The following HID1 variants were observed in gnomAD, a reference collection of about 807,000 sequenced individuals.
HID1 encodes HID1 domain containing.
In HID1, 42 loss-of-function variants were observed where a neutral mutation model predicts 89.7. The ratio of observed to expected loss-of-function variants is 0.47; its 90% CI spans 0.37 to 0.61. The LOEUF (loss-of-function observed/expected upper bound fraction) is 0.61. Among genes scored for constraint, HID1 ranks in the 20% least tolerant of loss-of-function variants. The pLI, the probability that HID1 is intolerant of heterozygous loss-of-function variation, is 0.00. For synonymous variants in HID1, 442 were observed against 433.8 expected (o/e 1.02, Z -0.24); for missense variants, 854 against 1,039.3 (o/e 0.82, Z 2.45).
rs375046037 is a variant in HID1 at position 74,958,115 on chromosome 17, G to C, written c.1471+26C>G. On this transcript the variant is annotated intron_variant, in intron 12 of 18. Transcript: ENST00000425042. The surrounding 1 kb of genome is among the most constrained non-coding windows in gnomAD (Gnocchi z 5.2). ...CCTGACACCACCTGGTGGTGAGCGC[G>C]GGGAGTGCAAGCTCCGGGCCCCTAC... 3 of 1,579,446 alleles carry C rather than the reference G, an allele frequency of 1.9e-6. No homozygotes were observed. Among genetic ancestry groups the C allele is most frequent in the Non-Finnish European group, 2.6e-6 (3 of 1,163,784 alleles).
Position 74,955,655 on chromosome 17 carries a change from A to T in HID1, c.1636+137T>A, listed in dbSNP as rs1383551270. ...CACTGTAGATGCTCAATAAATGTAC[A>T]CTGAATGAATGAACTGGGGGCAGAA... On this transcript the variant is annotated intron_variant, in intron 13 of 18. Coordinates refer to ENST00000425042, the MANE Select transcript of HID1 (RefSeq NM_030630.3). 3 of 718,734 alleles carry T rather than the reference A, an allele frequency of 4.2e-6. No individual in the cohort carries two copies. The East Asian group carries it at 8.1e-5, about 19-fold the overall frequency. The allele number at this position is 718,734 out of a possible 1,614,324, so 44.5% of individuals were successfully genotyped here.
intron 1 of HID1, among the ~76,000 whole-genome samples, chr17:74,966,022 C>T (rs2144824815): frequency 6.6e-6 from 1 of 151,850 alleles, no homozygotes; most frequent in East Asian, 1.9e-4. Context: ...TGAGGTGGCT[C>T]ACGCCTGTAA....
At position 74,954,307 on chromosome 17, in the gene HID1, G is replaced by T. The variant is rs1366530315; in HGVS notation, c.1695C>A (p.Ala565=). ...TGGTGGGCGGGTCCGTGGGCAGGTT[G>T]GCCAGCTGGTGGAAGATGCTGCGCT... is the stretch of plus-strand genomic sequence containing the variant. ...IRKRSIFHQL[A]NLPTDPPTIH... is the part of the protein sequence containing the mutation. Residue 565 remains alanine (A), a synonymous_variant, in exon 14 of 19, where the codon GCC becomes GCA. Coordinates refer to ENST00000425042, the MANE Select transcript of HID1 (RefSeq NM_030630.3). 6.3e-7 allele frequency: 1 copy of T among 1,587,286 alleles called. No homozygotes were observed. Among genetic ancestry groups the T allele is most frequent in the Admixed American group, 1.8e-5 (1 of 55,300 alleles).
Position 74,954,255 on chromosome 17 carries a change from G to A in HID1, c.1747C>T (p.Arg583Trp), listed in dbSNP as rs546418720. The change falls in exon 14 of 19, where the codon CGG (arginine) becomes TGG (tryptophan). Residue 583 changes from arginine to tryptophan, a missense_variant. Transcript: ENST00000425042. ...GTGCGAGACAAGGGCTCAGGTGTCC[G>A]CCGGCGCCGCTGCAGGGCCTTGTGA... ...TIHKALQRRR[R>W]TPEPLSRTGS... The A allele has an allele frequency of 4.0e-5, 63 of 1,588,356 alleles. No homozygotes were observed. The highest frequency in any genetic ancestry group is 2.4e-4 in the South Asian group (21 of 87,094).
chr17:74,967,186 A>G (rs1367616334), intron 1 of HID1, among the ~76,000 whole-genome samples: 2 of 151,926 alleles, frequency 1.3e-5, no homozygotes, highest in East Asian at 1.9e-4. Flanking sequence ...GCAGTGAGCC[A>G]AGATCGTGCC....
rs764132892 is a variant in HID1, at chr17:74,951,553, C to T, written c.*17G>A. On this transcript the variant is annotated 3_prime_UTR_variant, in exon 19 of 19. Transcript: ENST00000425042. Reference sequence around the variant, plus strand: ...GCCCTGCCTTCCCCTAGACTGAGCCCCTCGTCGGCTTCATCCTCACACCCG... The same window carrying T: ...GCCCTGCCTTCCCCTAGACTGAGCCTCTCGTCGGCTTCATCCTCACACCCG... The T allele has an allele frequency of 6.2e-7, 1 of 1,606,510 alleles. No homozygotes were observed. Among genetic ancestry groups the T allele is most frequent in the South Asian group, 1.1e-5 (1 of 89,374 alleles).
chr17:74,962,492 T>C lies in HID1; in HGVS notation c.505-152A>G. The C allele has an allele frequency of 1.8e-6, 1 of 559,638 alleles. No homozygotes were observed. 34.7% of individuals were successfully genotyped at this position (559,638 alleles called of 1,614,324 possible). On this transcript the variant is annotated intron_variant, in intron 4 of 18. Transcript: ENST00000425042. The surrounding 1 kb of genome is among the most constrained non-coding windows in gnomAD (Gnocchi z 4.3). ...GGTCCTCAAAATGGCCTGGCCCTCA[T>C]GCACAAGAGCAGGAGTGAATATTCT...
In HID1 at chr17:74,955,797, A is replaced by G. The variant is rs1316530471; in HGVS notation, c.1631T>C (p.Phe544Ser). The change falls in exon 13 of 19, where the codon TTT becomes TCT. Residue 544 changes from phenylalanine (F) to serine (S), a missense_variant. Phe to Ser is a radical substitution (Grantham distance 155, BLOSUM62 -2). Coordinates refer to ENST00000425042, the MANE Select transcript of HID1 (RefSeq NM_030630.3). ...EVFNNIIQYQ[F>S]DGNSNLVYAI... ...GCCTCAGGCTGGTGCCTCACCATCA[A>G]ACTGGTACTGGATGATGTTGTTGAA... is the stretch of plus-strand genomic sequence containing the variant. 1 of 1,614,040 alleles carries G rather than the reference A, an allele frequency of 6.2e-7. No homozygotes were observed. Among genetic ancestry groups the G allele is most frequent in the Non-Finnish European group, 8.5e-7 (1 of 1,179,914 alleles).
chr17:74,957,612 A>T (rs13342795), intron 12 of HID1, among the ~76,000 whole-genome samples: 82,812 of 150,704 alleles, frequency 0.55, 23,453 homozygotes, highest in East Asian at 0.92. Flanking sequence ...TTTTTTTTTA[A>T]AAAAAGGCCA....
intron 16 of HID1, 52 bp from the exon 17 acceptor site, chr17:74,952,412 G>T: frequency 7.1e-7 from 1 of 1,400,772 alleles, no homozygotes; most frequent in Non-Finnish European, 1.0e-6. Context: ...CGGAGGCTGC[G>T]GGGCAAGCCT....
Position 74,959,097 on chromosome 17 carries a change from C to T in HID1, c.1009-46G>A, listed in dbSNP as rs768118029. Reference sequence around the variant, plus strand: ...GGGGGCCTGTCCAGCCCAATCCCTGCAGCTCCAGTTTCCCAGCCCAGGCCC... The same window carrying T: ...GGGGGCCTGTCCAGCCCAATCCCTGTAGCTCCAGTTTCCCAGCCCAGGCCC... On this transcript the variant is annotated intron_variant, in intron 8 of 18. Coordinates refer to ENST00000425042, the MANE Select transcript of HID1 (RefSeq NM_030630.3). This position sits in a 1 kb window ranked among gnomAD's most constrained non-coding sequence, Gnocchi z 4.6. 3.4e-6 allele frequency: 5 copies of T among 1,490,594 alleles called. No individual in the cohort carries two copies. The highest frequency in any genetic ancestry group is 4.4e-6 in the Non-Finnish European group (5 of 1,124,720). 92.3% of individuals were successfully genotyped at this position (1,490,594 alleles called of 1,614,324 possible).
intron 12 of HID1, chr17:74,957,890 G>GT (rs1473313770): frequency 2.0e-6 from 1 of 491,864 alleles, no homozygotes; most frequent in Admixed American, 3.3e-5. Context: ...ACAAGACTGA[G>GT]TGTGAGAAGG....
At chr17:74,960,324 G>C in intron 6 of HID1, 76 bp from the exon 7 acceptor site, 4 of 1,288,398 alleles carry the variant, frequency 3.1e-6, no homozygotes, top group Non-Finnish European at 4.3e-6. Context: ...CTGGCCACGT[G>C]GGAAGGTCAG....
chr17:74,964,007 CA>C lies in HID1; in HGVS notation c.217-98del, dbSNP rs534620916. 470 of 1,290,170 alleles carry C rather than the reference CA, an allele frequency of 3.6e-4. 1 individual carries two copies. The highest frequency in any genetic ancestry group is 3.4e-3 in the African/African-American group (232 of 68,594). 79.9% of individuals were successfully genotyped at this position (1,290,170 alleles called of 1,614,324 possible). A position where few individuals can be genotyped will look rare whatever the true frequency, so the allele number is the denominator to read the frequency against. ...GGGCACCCAGGCTGCAGAGGAGGGT[CA>C]GGGGGGGCACCCAGGCTGCAGAGGA... On this transcript the variant is annotated intron_variant, in intron 2 of 18. Transcript: ENST00000425042.
Position 74,953,019 on chromosome 17 carries a change from G to A in HID1, c.2039C>T (p.Pro680Leu), listed in dbSNP as rs1341937808. 2 of 1,607,332 alleles carry A rather than the reference G, an allele frequency of 1.2e-6. No homozygotes were observed. Among genetic ancestry groups the A allele is most frequent in the Non-Finnish European group, 1.7e-6 (2 of 1,177,744 alleles). Reference sequence around the variant, plus strand: ...GTCCCTCCTCACCCACTCTGGCGTTGGGCTCCACTGCCCACTGGCTGATGA... The same window carrying A: ...GTCCCTCCTCACCCACTCTGGCGTTAGGCTCCACTGCCCACTGGCTGATGA... ...STSSASGQWSPTPEWVLSWKS... is the reference protein window; with the variant it reads ...STSSASGQWSLTPEWVLSWKS... Residue 680 changes from proline to leucine, a missense_variant, in exon 16 of 19, where the codon CCA (proline) becomes CTA (leucine). Coordinates refer to ENST00000425042, the MANE Select transcript of HID1 (RefSeq NM_030630.3).
intron 14 of HID1, 110 bp from the exon 15 acceptor site, chr17:74,953,761 A>C: frequency 1.2e-6 from 1 of 821,718 alleles, no homozygotes; most frequent in Non-Finnish European, 2.0e-6. Context: ...TCCCTCTGGA[A>C]CCTCCACCGG....
chr17:74,961,093 C>T (rs1478407420), intron 6 of HID1, among the ~76,000 whole-genome samples: 6 of 152,266 alleles, frequency 3.9e-5, no homozygotes, highest in Non-Finnish European at 5.9e-5. Context: ...AAGGAGCTGT[C>T]GAGCCCTTGG....
chr17:74,956,097 G>C, intron 12 of HID1, 141 bp from the exon 13 acceptor site: 1 of 824,042 alleles, frequency 1.2e-6, no homozygotes, highest in Non-Finnish European at 1.9e-6. Flanking sequence ...GCCCTAAGAG[G>C]CTGAGTCCAC....
At position 74,955,930 on chromosome 17, in the gene HID1, T is replaced by C. The variant is rs754959284; in HGVS notation, c.1498A>G (p.Met500Val). The change falls in exon 13 of 19, where the codon ATG (methionine) becomes GTG (valine). Residue 500 changes from methionine (M) to valine (V), a missense_variant. Physicochemically the swap from Met to Val is conservative, Grantham distance 21 (BLOSUM62 1). Transcript: ENST00000425042. ...TGCAGCAACTTGTTGGCAGTCACCA[T>C]GGACAGGCTCTTGAGGTAGGGGGAC... is the stretch of plus-strand genomic sequence containing the variant. ...NVSPYLKSLS[M>V]VTANKLLHLL... 7 of 1,614,018 alleles carry C rather than the reference T, an allele frequency of 4.3e-6. No homozygotes were observed. The highest frequency in any genetic ancestry group is 5.1e-6 in the Non-Finnish European group (6 of 1,179,926).
Sources: gnomAD v4.1 joint callset for allele counts (sites outside exome capture counted in the v4.1 genomes callset) on GRCh38, gnomAD v4.1.1 for gene constraint, Gnocchi (gnomAD v3.1) non-coding constraint, MANE v1.5 for transcripts, NCBI Gene and HGNC (gene_info 2026-07-23, HGNC 2026-07-21) for gene names.